MAP2K1: variants seen among roughly 807,000 people sequenced by gnomAD.
The protein encoded by MAP2K1 is mitogen-activated protein kinase kinase 1.
MAP2K1 carries 16 observed loss-of-function variants against 46.3 expected under a neutral mutation model. The ratio of observed to expected loss-of-function variants is 0.35; its 90% CI spans 0.23 to 0.52. The LOEUF is 0.52. Among genes scored for constraint, MAP2K1 ranks in the 20% least tolerant of loss-of-function variants. The pLI, the probability that MAP2K1 is intolerant of heterozygous loss-of-function variation, is 0.94. For synonymous variants in MAP2K1, 183 were observed against 185.6 expected (o/e 0.99, Z 0.11); for missense variants, 263 against 497.1 (o/e 0.53, Z 4.48).
intron 5 of MAP2K1, among the ~76,000 whole-genome samples, chr15:66,478,288 T>TAC (rs1892809982): frequency 6.9e-6 from 1 of 145,166 alleles, no homozygotes; most frequent in Non-Finnish European, 1.5e-5. Flanking sequence ...TATATATATA[T>TAC]ACTATATATA....
chr15:66,400,317 C>G (rs12593769), intron 1 of MAP2K1, among the ~76,000 whole-genome samples: 42,154 of 151,992 alleles, frequency 0.28, 6,527 homozygotes, highest in South Asian at 0.37. Flanking sequence ...AGCCACTGTG[C>G]CCAGACACTT....
intron 1 of MAP2K1, among the ~76,000 whole-genome samples, chr15:66,432,656 C>CCCATGT (rs1303795350): frequency 1.3e-5 from 2 of 152,134 alleles, no homozygotes; most frequent in Non-Finnish European, 2.9e-5. Context: ...TGGGATCTTA[C>CCCATGT]CCATGTTTGT....
chr15:66,444,689 C>T lies in MAP2K1; in HGVS notation c.550C>T (p.His184Tyr), dbSNP rs947740060. 6.2e-7 allele frequency: 1 copy of T among 1,612,686 alleles called. No homozygotes were observed. The highest frequency in any genetic ancestry group is 8.5e-7 in the Non-Finnish European group (1 of 1,178,864). The stretch of plus-strand genomic sequence containing the variant: ...AGGCCTGACATATCTGAGGGAGAAG[C>T]ACAAGATCATGCACAGAGGTAAGAA... The part of the protein sequence containing the change: ...IKGLTYLREK[H>Y]KIMHRDVKPS... Residue 184 changes from histidine (H) to tyrosine (Y), a missense_variant, in exon 5 of 11, where the codon CAC becomes TAC. Physicochemically the swap from His to Tyr is moderately conservative, Grantham distance 83. This residue lies in a region of MAP2K1 where 103 missense variants were observed against 221.6 expected (regional missense o/e 0.46). Coordinates refer to ENST00000307102, the MANE Select transcript of MAP2K1 (RefSeq NM_002755.4).
chr15:66,490,800 T>G lies in MAP2K1; in HGVS notation c.*185T>G, dbSNP rs1893231676. On this transcript the variant is annotated 3_prime_UTR_variant, in exon 11 of 11. Coordinates refer to ENST00000307102, the MANE Select transcript of MAP2K1 (RefSeq NM_002755.4). ...ATATTACTGTCTTTATTCTTATTAC[T>G]ATTATTGTTCCCCTAAGTGGATTGG... is the stretch of plus-strand genomic sequence containing the variant. 1.8e-5 allele frequency: 12 copies of G among 680,414 alleles called. No individual in the cohort carries two copies. Among genetic ancestry groups the G allele is most frequent in the South Asian group, 1.7e-4 (11 of 65,630 alleles). The allele number at this position is 680,414 out of a possible 1,614,324, so 42.1% of individuals were successfully genotyped here. A position where few individuals can be genotyped will look rare whatever the true frequency, so the allele number is the denominator to read the frequency against.
intron 5 of MAP2K1, among the ~76,000 whole-genome samples, chr15:66,472,726 A>G (rs1011691660): frequency 6.6e-6 from 1 of 152,256 alleles, no homozygotes; most frequent in African/African-American, 2.4e-5. Flanking sequence ...ATTACGGGTT[A>G]TCCCAAGCTA....
chr15:66,479,956 G>A (rs1347884513), intron 5 of MAP2K1, among the ~76,000 whole-genome samples: 3 of 151,988 alleles, frequency 2.0e-5, no homozygotes, highest in African/African-American at 7.3e-5. Context: ...CCAGACTGGA[G>A]TGCAATGGCG....
chr15:66,405,725 C>G (rs953639213), intron 1 of MAP2K1, among the ~76,000 whole-genome samples: 1 of 152,184 alleles, frequency 6.6e-6, no homozygotes, highest in African/African-American at 2.4e-5. Flanking sequence ...TTCTTTCTCC[C>G]AAAGAATCCT....
chr15:66,387,486 G>T (rs1197539578), intron 1 of MAP2K1, 59 bp downstream of exon 1: 2 of 1,494,390 alleles, frequency 1.3e-6, no homozygotes, highest in Non-Finnish European at 1.8e-6. Flanking sequence ...GAGCCGGGGA[G>T]CAGGAGCGCG....
intron 1 of MAP2K1, chr15:66,415,146 C>T: frequency 3.8e-6 from 2 of 525,556 alleles, no homozygotes; most frequent in Non-Finnish European, 7.6e-6. Context: ...TTGGCAGCTC[C>T]CCTAGTTTGA....
intron 1 of MAP2K1, among the ~76,000 whole-genome samples, chr15:66,390,736 C>A (rs1033677390): frequency 6.6e-6 from 1 of 152,136 alleles, no homozygotes; most frequent in Admixed American, 6.5e-5. Context: ...ACACAAAATC[C>A]AAACTCCTTA....
intron 5 of MAP2K1, among the ~76,000 whole-genome samples, chr15:66,463,826 T>A (rs779426816): frequency 2.6e-5 from 4 of 152,160 alleles, no homozygotes; most frequent in Admixed American, 6.5e-5. Context: ...GAGACATCAA[T>A]TAATATACGT....
intron 1 of MAP2K1, among the ~76,000 whole-genome samples, chr15:66,432,341 T>G (rs1025545738): frequency 5.3e-5 from 8 of 152,120 alleles, no homozygotes; most frequent in Admixed American, 4.6e-4. Context: ...CGGCAAGGCA[T>G]AGGAGGTAGA....
In MAP2K1 at chr15:66,457,275, C is replaced by T. The variant is rs567855179; in HGVS notation, c.568+12568C>T. 2.2e-4 allele frequency among the ~76,000 whole-genome samples: 33 copies of T among 152,270 alleles called. 2 individuals carry two copies. In the South Asian group the frequency reaches 6.2e-3, roughly 29 times the overall value. On this transcript the variant is annotated intron_variant, in intron 5 of 10. Coordinates refer to ENST00000307102, the MANE Select transcript of MAP2K1 (RefSeq NM_002755.4). ...CGGGGATCACAGGCATGTGCCACTACGCCTGCTAATTTTTTTGTATTTCTA... is the reference window on the plus strand; with the variant it reads ...CGGGGATCACAGGCATGTGCCACTATGCCTGCTAATTTTTTTGTATTTCTA...
intron 1 of MAP2K1, among the ~76,000 whole-genome samples, chr15:66,416,405 G>T (rs778986969): frequency 2.6e-5 from 4 of 151,264 alleles, no homozygotes; most frequent in Non-Finnish European, 4.4e-5. Context: ...TGCCTTGTGA[G>T]GACAGGGATC....
chr15:66,403,034 A>T (rs2093386133), intron 1 of MAP2K1, among the ~76,000 whole-genome samples: 1 of 152,174 alleles, frequency 6.6e-6, no homozygotes, highest in Admixed American at 6.5e-5. Flanking sequence ...GCTGGATGGG[A>T]CCTAACAGGT....
intron 8 of MAP2K1, among the ~76,000 whole-genome samples, chr15:66,488,061 GCCACCTC>G (rs999913290): frequency 1.4e-4 from 21 of 151,748 alleles, no homozygotes; most frequent in African/African-American, 4.6e-4. Flanking sequence ...TTTCTTCCTT[GCCACCTC>G]CCACCTCCCA....
chr15:66,395,951 G>C (rs920469370), intron 1 of MAP2K1, among the ~76,000 whole-genome samples: 9 of 152,028 alleles, frequency 5.9e-5, no homozygotes, highest in Non-Finnish European at 1.2e-4. Flanking sequence ...TTGTGTACTG[G>C]TATTTCTCCA....
intron 1 of MAP2K1, among the ~76,000 whole-genome samples, chr15:66,388,757 C>T (rs986326499): frequency 4.6e-5 from 7 of 151,960 alleles, no homozygotes; most frequent in African/African-American, 1.7e-4. Context: ...CGATGGTGGA[C>T]CTGTGGTGTG....
At chr15:66,418,017 C>T (rs1407593246) in intron 1 of MAP2K1, among the ~76,000 whole-genome samples, 1 of 152,054 alleles carries the variant, frequency 6.6e-6, no homozygotes, top group Non-Finnish European at 1.5e-5. Flanking sequence ...ACAAAATGCA[C>T]AAAGCAAGGA....
Sources: allele counts gnomAD v4.1 joint callset (sites outside exome capture counted in the v4.1 genomes callset), GRCh38; gene constraint gnomAD v4.1.1; regional missense constraint gnomAD v4.1.1; transcripts MANE v1.5; gene names NCBI Gene and HGNC (gene_info 2026-07-23, HGNC 2026-07-21).